Variants in TIAM1 observed in about 807,000 individuals in gnomAD.
The protein encoded by TIAM1 is TIAM Rac1 associated GEF 1, also known as rho guanine nucleotide exchange factor TIAM1.
In TIAM1, 65 loss-of-function variants were observed where a neutral mutation model predicts 163.5. The observed-to-expected ratio is 0.40, with a 90% CI of 0.33 to 0.49. The LOEUF is 0.49. Ranked by LOEUF, TIAM1 falls within the 20% of genes least tolerant of loss-of-function variation. TIAM1 has a pLI of 0.77. For missense variants in TIAM1, 1,789 were observed against 2,044.7 expected (o/e 0.87, Z 2.41); for synonymous variants, 833 against 810.1 (o/e 1.03, Z -0.48).
chr21:31,288,959 T>C (rs2073915561), intron 2 of TIAM1, among the ~76,000 whole-genome samples: 1 of 152,232 alleles, frequency 6.6e-6, no homozygotes, highest in Non-Finnish European at 1.5e-5. Context: ...AAACCCACCA[T>C]GCTGTTGACT....
chr21:31,192,443 C>A lies in TIAM1; in HGVS notation c.2575+2781G>T, dbSNP rs2085609182. 2.6e-5 allele frequency among the ~76,000 whole-genome samples: 4 copies of A among 152,144 alleles called. No individual in the cohort carries two copies. In the South Asian group the frequency reaches 8.3e-4, roughly 32 times the overall value. On this transcript the variant is annotated intron_variant, in intron 13 of 27. Transcript: ENST00000541036. Reference sequence around the variant, plus strand: ...GACCACCCTGGCCAACACGGTGAAACCCGTCTCTTCTAAAAGTACAAAAAT... The same window carrying A: ...GACCACCCTGGCCAACACGGTGAAAACCGTCTCTTCTAAAAGTACAAAAAT...
intron 2 of TIAM1, among the ~76,000 whole-genome samples, chr21:31,349,536 T>C (rs570194197): frequency 6.6e-6 from 1 of 152,316 alleles, no homozygotes; most frequent in African/African-American, 2.4e-5. Flanking sequence ...ACCTTTCAGA[T>C]ACCTCCCTGC....
At chr21:31,477,463 G>A (rs1270817500) in intron 1 of TIAM1, among the ~76,000 whole-genome samples, 1 of 143,226 alleles carries the variant, frequency 7.0e-6, no homozygotes, top group African/African-American at 2.6e-5. Flanking sequence ...TCAGGAAAGG[G>A]AACTAAATGC....
chr21:31,279,861 C>T lies in TIAM1; in HGVS notation c.-188-2953G>A, dbSNP rs545250070. Among the ~76,000 whole-genome samples, 43 of 152,292 alleles carry T rather than the reference C, an allele frequency of 2.8e-4. 1 individual carries two copies. The highest frequency in any genetic ancestry group is 4.1e-4 in the South Asian group (2 of 4,828). On this transcript the variant is annotated intron_variant, in intron 2 of 27. Coordinates refer to ENST00000541036, the MANE Select transcript of TIAM1 (RefSeq NM_001353694.2). The stretch of plus-strand genomic sequence containing the variant: ...TGCAGGCTTCCTTAGCAAAATGATA[C>T]CTAATTCATTGAAACTGAATCATAT...
chr21:31,193,808 G>C (rs1012124545), intron 13 of TIAM1, among the ~76,000 whole-genome samples: 26 of 152,302 alleles, frequency 1.7e-4, no homozygotes, highest in Non-Finnish European at 3.1e-4. Flanking sequence ...TGTGAATCGG[G>C]AAAAGCTAGC....
intron 1 of TIAM1, among the ~76,000 whole-genome samples, chr21:31,521,745 AACAC>A (rs35006738): frequency 0.024 from 3,452 of 146,872 alleles, 53 homozygotes; most frequent in African/African-American, 0.028. Context: ...CTCACACACA[AACAC>A]ACACACACAC....
intron 1 of TIAM1, among the ~76,000 whole-genome samples, chr21:31,487,685 G>A (rs1349891646): frequency 1.3e-5 from 2 of 151,470 alleles, no homozygotes; most frequent in East Asian, 3.9e-4. Context: ...AGCCTCCCAA[G>A]TAGCTGGGAC....
At chr21:31,335,305 C>T (rs2075802169) in intron 2 of TIAM1, among the ~76,000 whole-genome samples, 1 of 152,154 alleles carries the variant, frequency 6.6e-6, no homozygotes, top group Non-Finnish European at 1.5e-5. Context: ...TCACCCTCCC[C>T]ACCCTCCACA....
At chr21:31,321,245 C>T (rs1000277931) in intron 2 of TIAM1, among the ~76,000 whole-genome samples, 1 of 152,206 alleles carries the variant, frequency 6.6e-6, no homozygotes, top group Non-Finnish European at 1.5e-5. Flanking sequence ...ATCGGCAGGC[C>T]TGCACCTCTG....
intron 20 of TIAM1, among the ~76,000 whole-genome samples, chr21:31,144,063 T>C (rs1217506798): frequency 6.6e-6 from 1 of 152,138 alleles, no homozygotes; most frequent in African/African-American, 2.4e-5. Flanking sequence ...ACAGCAATCA[T>C]GGGGGAAGAC....
At chr21:31,213,252 T>C in intron 10 of TIAM1, 146 bp downstream of exon 10, 3 of 632,656 alleles carry the variant, frequency 4.7e-6, no homozygotes, top group South Asian at 2.2e-5. Context: ...CCATCTCTTG[T>C]TGACTTATTA....
intron 1 of TIAM1, among the ~76,000 whole-genome samples, chr21:31,554,016 A>AT (rs1345806007): frequency 1.3e-5 from 2 of 152,138 alleles, no homozygotes; most frequent in Non-Finnish European, 2.9e-5. Context: ...GGATTGATGG[A>AT]TTGACCTATG....
rs112780581 is a variant in TIAM1 at position 31,233,010 on chromosome 21, G to C, written c.1585-7060C>G. The stretch of plus-strand genomic sequence containing the variant: ...TTGCATAACAGCCCCTTTGAGTGCA[G>C]AGATAAGATGAAGCTCAGGACTTCA... On this transcript the variant is annotated intron_variant, in intron 6 of 27. Transcript: ENST00000541036. Among the ~76,000 whole-genome samples the C allele has an allele frequency of 1.1e-3, 162 of 152,336 alleles. 2 individuals carry two copies. In the Middle Eastern group the frequency reaches 0.014, roughly 13 times the overall value.
In TIAM1 at chr21:31,252,695, C is replaced by G. The variant is rs183944044; in HGVS notation, c.964-506G>C. On this transcript the variant is annotated intron_variant, in intron 4 of 27. Transcript: ENST00000541036. ...ATAAATAAAAGGCATGCTTAGGAGT[C>G]TCTTTTATAATGGAGTGACTGAAAA... 2.0e-3 allele frequency among the ~76,000 whole-genome samples: 311 copies of G among 152,338 alleles called. 1 individual carries two copies. The highest frequency in any genetic ancestry group is 3.4e-3 in the Non-Finnish European group (234 of 68,040).
intron 2 of TIAM1, among the ~76,000 whole-genome samples, chr21:31,430,863 A>T (rs890001444): frequency 3.9e-5 from 6 of 152,190 alleles, no homozygotes; most frequent in Admixed American, 3.3e-4. Context: ...ATGTAACAGA[A>T]TTGCAAATAT....
chr21:31,252,264 C>T, intron 4 of TIAM1, 75 bp from the exon 5 acceptor site: 1 of 1,493,088 alleles, frequency 6.7e-7, no homozygotes, highest in Non-Finnish European at 9.0e-7. Flanking sequence ...TGGAGAAGAG[C>T]CCTGGGTCCA....
chr21:31,376,133 T>C (rs1342571890), intron 2 of TIAM1, among the ~76,000 whole-genome samples: 4 of 152,232 alleles, frequency 2.6e-5, no homozygotes, highest in Non-Finnish European at 5.9e-5. Context: ...TGCCACATCC[T>C]ACCCTTTGTT....
intron 12 of TIAM1, among the ~76,000 whole-genome samples, chr21:31,199,214 C>T (rs1358361951): frequency 6.6e-6 from 1 of 152,176 alleles, no homozygotes; most frequent in Non-Finnish European, 1.5e-5. Context: ...TTGGTCTGAG[C>T]CACCGTCACG....
chr21:31,138,859 A>G (rs2833300), intron 22 of TIAM1, among the ~76,000 whole-genome samples: 39,481 of 152,110 alleles, frequency 0.26, 7,248 homozygotes, highest in African/African-American at 0.53. Context: ...TTATCCTTCC[A>G]CAACAATATC....
Sources: gnomAD v4.1 joint callset for allele counts (sites outside exome capture counted in the v4.1 genomes callset) on GRCh38, gnomAD v4.1.1 for gene constraint, MANE v1.5 for transcripts, NCBI Gene and HGNC (gene_info 2026-07-23, HGNC 2026-07-21) for gene names.